The following MAGEC3 variants were observed in gnomAD, a reference collection of about 807,000 sequenced individuals.
MAGEC3 encodes melanoma-associated antigen C3.
Under a neutral mutation model 35.3 loss-of-function variants are expected in MAGEC3, and 34 were observed. The ratio of observed to expected loss-of-function variants is 0.96; its 90% CI spans 0.73 to 1.28. The LOEUF (loss-of-function observed/expected upper bound fraction) is 1.28, where lower values mean the gene tolerates loss of function less well. MAGEC3 is among the 50% of genes most tolerant of loss of function. MAGEC3 has a pLI of 0.00. For missense variants in MAGEC3, 561 were observed against 483.6 expected (o/e 1.16, Z -1.50); for synonymous variants, 202 against 185.6 (o/e 1.09, Z -0.72).
At chrX:141,852,100 C>CT (rs58227745) in intron 1 of MAGEC3, among the ~76,000 whole-genome samples, 815 of 80,444 alleles carry the variant, frequency 0.01, 6 homozygotes, top group Non-Finnish European at 0.016. Flanking sequence ...TTGTTTAGGT[C>CT]TTTTTTTTTT....
intron 4 of MAGEC3, among the ~76,000 whole-genome samples, chrX:141,885,393 G>A (rs1159940770): frequency 2.7e-5 from 3 of 110,059 alleles, no homozygotes; most frequent in Non-Finnish European, 5.7e-5. Flanking sequence ...AAGGCCGGGC[G>A]CAGTGGCTCA....
intron 1 of MAGEC3, among the ~76,000 whole-genome samples, chrX:141,855,530 A>G (rs1206238085): frequency 9.0e-6 from 1 of 111,453 alleles, no homozygotes; most frequent in East Asian, 2.8e-4. Flanking sequence ...ACATGTGTAG[A>G]AAGAATAAAT....
chrX:141,885,295 G>A (rs2017994071), intron 4 of MAGEC3, among the ~76,000 whole-genome samples: 1 of 109,783 alleles, frequency 9.1e-6, no homozygotes, highest in African/African-American at 3.3e-5. Flanking sequence ...GGAACACAGA[G>A]TTTAATCAGA....
intron 4 of MAGEC3, among the ~76,000 whole-genome samples, chrX:141,891,253 A>G (rs1004138365): frequency 5.4e-5 from 6 of 111,691 alleles, no homozygotes; most frequent in Non-Finnish European, 7.5e-5. Flanking sequence ...CAAAGGCTCT[A>G]TGTCCAAATG....
rs753095777 is a variant in MAGEC3, at chrX:141,847,781, A to C, written c.123+9343A>C. Among the ~76,000 whole-genome samples, 29 of 111,406 alleles carry C rather than the reference A, an allele frequency of 2.6e-4. 1 individual carries two copies. The highest frequency in any genetic ancestry group is 9.1e-4 in the African/African-American group (28 of 30,866). On this transcript the variant is annotated intron_variant, in intron 1 of 7. Coordinates refer to ENST00000298296, the MANE Select transcript of MAGEC3 (RefSeq NM_138702.1). ...AAAGAAGAAAGATCTTAAGTAAATTAATCTCAACTTCTACCTTCAGAAATA... is the reference window on the plus strand; with the variant it reads ...AAAGAAGAAAGATCTTAAGTAAATTCATCTCAACTTCTACCTTCAGAAATA...
intron 6 of MAGEC3, chrX:141,896,603 TC>T: frequency 8.4e-7 from 1 of 1,192,623 alleles, no homozygotes; most frequent in Non-Finnish European, 1.1e-6. Context: ...GATCCCATCA[TC>T]CCCATCCCTG....
At chrX:141,895,444 C>A in intron 5 of MAGEC3, 37 bp downstream of exon 5, 3 of 1,210,707 alleles carry the variant, frequency 2.5e-6, no homozygotes, top group Non-Finnish European at 3.4e-6. Flanking sequence ...GACTTCGCAC[C>A]AAGGACAGAA....
intron 2 of MAGEC3, among the ~76,000 whole-genome samples, chrX:141,875,956 A>C (rs1044633845): frequency 8.0e-5 from 9 of 111,841 alleles, no homozygotes; most frequent in African/African-American, 2.9e-4. Context: ...TGAACGGCTG[A>C]GTTGATCCTG....
chrX:141,891,669 ATATATATGCATATATAAATATATATATT>A (rs764388222), intron 4 of MAGEC3, among the ~76,000 whole-genome samples: 50 of 103,846 alleles, frequency 4.8e-4, no homozygotes, highest in South Asian at 8.0e-4. Flanking sequence ...GTGTGTGTAT[ATATATATGCATATATAAATATATATATT>A]TATATATGCA....
At position 141,895,891 on chromosome X, in the gene MAGEC3, C is replaced by T. The variant is rs758934073; in HGVS notation, c.1123+332C>T. Among the ~76,000 whole-genome samples, 9 of 111,289 alleles carry T rather than the reference C, an allele frequency of 8.1e-5. No homozygotes were observed. In the East Asian group the frequency reaches 2.3e-3, roughly 28 times the overall value. The stretch of plus-strand genomic sequence containing the variant: ...GAGGTCCCACGTGCATCAGAACAGA[C>T]GTGAGGCCACCCCGACTGCCCCCGT... On this transcript the variant is annotated intron_variant, in intron 6 of 7. Coordinates refer to ENST00000298296, the MANE Select transcript of MAGEC3 (RefSeq NM_138702.1).
At chrX:141,860,060 G>A (rs945271967) in intron 1 of MAGEC3, among the ~76,000 whole-genome samples, 7 of 111,787 alleles carry the variant, frequency 6.3e-5, no homozygotes, top group Non-Finnish European at 1.3e-4. Context: ...GGGTAATGCT[G>A]TCAAGGCTTA....
At chrX:141,889,326 A>C (rs937365210) in intron 4 of MAGEC3, among the ~76,000 whole-genome samples, 2 of 111,427 alleles carry the variant, frequency 1.8e-5, no homozygotes, top group Non-Finnish European at 3.8e-5. Context: ...AAGGGGTGGA[A>C]ACACCACTCA....
rs2018078543 is a variant in MAGEC3, at chrX:141,895,250, A to G, written c.910-19A>G. On this transcript the variant is annotated intron_variant, in intron 4 of 7. Coordinates refer to ENST00000298296, the MANE Select transcript of MAGEC3 (RefSeq NM_138702.1). ...TTCCATGGAGAGGAGGCCCCACCCC[A>G]CGCTGCCTCTGCTGTCAGCCCTGGT... The G allele has an allele frequency of 3.7e-5, 44 of 1,199,466 alleles. No homozygotes were observed. Among genetic ancestry groups the G allele is most frequent in the Non-Finnish European group, 5.0e-5 (44 of 888,854 alleles).
chrX:141,866,395 C>T (rs2017849267), intron 2 of MAGEC3, among the ~76,000 whole-genome samples: 1 of 111,935 alleles, frequency 8.9e-6, no homozygotes, highest in Non-Finnish European at 1.9e-5. Flanking sequence ...GAACTCATAG[C>T]ACTGATTAAA....
At position 141,897,760 on chromosome X, in the gene MAGEC3, C is replaced by T; in HGVS notation, c.1860C>T (p.Asp620=). 2.5e-6 allele frequency: 3 copies of T among 1,210,844 alleles called. No homozygotes were observed. The highest frequency in any genetic ancestry group is 2.3e-4 in the Middle Eastern group (1 of 4,346). Residue 620 remains aspartate, a synonymous_variant, in exon 8 of 8, where the codon GAC becomes GAT. Transcript: ENST00000298296. ...AAGACAGAGCCCAGGCCATAATTGACACCACAGATGATGCTACTGCCATGG... is the reference window on the plus strand; with the variant it reads ...AAGACAGAGCCCAGGCCATAATTGATACCACAGATGATGCTACTGCCATGG... ...DMEDRAQAII[D]TTDDATAMAS...
intron 1 of MAGEC3, among the ~76,000 whole-genome samples, chrX:141,854,012 T>C (rs1050185227): frequency 2.7e-5 from 3 of 111,403 alleles, no homozygotes; most frequent in African/African-American, 9.8e-5. Context: ...GATAGTGGAC[T>C]TGAATCTAGT....
At chrX:141,889,921 T>G (rs1174755953) in intron 4 of MAGEC3, among the ~76,000 whole-genome samples, 1 of 112,882 alleles carries the variant, frequency 8.9e-6, no homozygotes, top group African/African-American at 3.2e-5. Flanking sequence ...TTTCTCCTTC[T>G]TTTCTTTAGT....
At position 141,897,283 on chromosome X, in the gene MAGEC3, T is replaced by A. The variant is rs766740166; in HGVS notation, c.1525T>A (p.Phe509Ile). 1.7e-5 allele frequency: 20 copies of A among 1,210,184 alleles called. No homozygotes were observed. The highest frequency in any genetic ancestry group is 2.2e-5 in the Non-Finnish European group (20 of 895,218). The change falls in exon 7 of 8, where the codon TTT becomes ATT. Residue 509 changes from phenylalanine (F) to isoleucine (I), a missense_variant. Coordinates refer to ENST00000298296, the MANE Select transcript of MAGEC3 (RefSeq NM_138702.1). ...GKAHEFIELI[F>I]GIALTDMDPD... Reference sequence around the variant, plus strand: ...AGCCCATGAGTTCATAGAGCTAATTTTTGGCATTGCCCTGACTGATATGGA... The same window carrying A: ...AGCCCATGAGTTCATAGAGCTAATTATTGGCATTGCCCTGACTGATATGGA...
At chrX:141,892,862 A>G (rs2018053116) in intron 4 of MAGEC3, among the ~76,000 whole-genome samples, 1 of 112,225 alleles carries the variant, frequency 8.9e-6, no homozygotes, top group Admixed American at 9.5e-5. Context: ...AATTAAAACT[A>G]AAAACTTTTG....
Sources: allele counts gnomAD v4.1 joint callset (sites outside exome capture counted in the v4.1 genomes callset), GRCh38; gene constraint gnomAD v4.1.1; transcripts MANE v1.5; gene names NCBI Gene and HGNC (gene_info 2026-07-23, HGNC 2026-07-21).